Variants in AGBL5 observed in about 807,000 individuals in gnomAD.
AGBL5 encodes the protein AGBL carboxypeptidase 5, also known as cytosolic carboxypeptidase-like protein 5.
A neutral mutation model predicts 88.0 loss-of-function variants in AGBL5; 51 were observed. The observed-to-expected ratio is 0.58, with a 90% confidence interval of 0.46 to 0.73. The LOEUF (loss-of-function observed/expected upper bound fraction) is 0.73. AGBL5 is among the 30% of genes least tolerant of loss of function. AGBL5 has a pLI of 0.00. For synonymous variants in AGBL5, 446 were observed against 438.8 expected (o/e 1.02, Z -0.21); for missense variants, 1,031 against 1,162.2 (o/e 0.89, Z 1.64).
Position 27,058,520 on chromosome 2 carries a change from C to T in AGBL5, c.1792C>T (p.Arg598Cys), listed in dbSNP as rs148469619. 3.8e-5 allele frequency: 62 copies of T among 1,614,048 alleles called. No homozygotes were observed. The Admixed American group carries it at 9.0e-4, about 23-fold the overall frequency. Residue 598 changes from arginine to cysteine, a missense_variant, in exon 10 of 15, where the codon CGC (arginine) becomes TGC (cysteine). Transcript: ENST00000360131. ...ACGGGCCTGGATGCTGAAACATGTACGCAACAGCCGAGGCCTAAGCAGCAC... is the reference window on the plus strand; with the variant it reads ...ACGGGCCTGGATGCTGAAACATGTATGCAACAGCCGAGGCCTAAGCAGCAC... Reference protein sequence around the residue: ...NLRAWMLKHVRNSRGLSSTLN... With the variant: ...NLRAWMLKHVCNSRGLSSTLN...
chr2:27,056,161 G>A (rs186946982), intron 7 of AGBL5, 23 bp downstream of exon 7: 255 of 1,600,550 alleles, frequency 1.6e-4, no homozygotes, highest in Non-Finnish European at 2.0e-4. Flanking sequence ...AGAATGTCAT[G>A]TGAGTGTGAG....
chr2:27,053,351 T>C lies in AGBL5; in HGVS notation c.216-51T>C. 1 of 1,589,678 alleles carries C rather than the reference T, an allele frequency of 6.3e-7. No homozygotes were observed. The highest frequency in any genetic ancestry group is 8.6e-7 in the Non-Finnish European group (1 of 1,166,086). On this transcript the variant is annotated intron_variant, in intron 2 of 14. Transcript: ENST00000360131. This position sits in a 1 kb window ranked among gnomAD's most constrained non-coding sequence, Gnocchi z 4.9. ...CTGGCTCCGGCTCTCCCACAGACCA[T>C]ATCTCCAACCCTTCCACACGTAATG...
Position 27,069,475 on chromosome 2 carries a change from T to C in AGBL5, c.2356-98T>C, listed in dbSNP as rs1271306451. 13 of 1,547,684 alleles carry C rather than the reference T, an allele frequency of 8.4e-6. No individual in the cohort carries two copies. In the East Asian group the frequency reaches 2.3e-4, roughly 27 times the overall value. The stretch of plus-strand genomic sequence containing the variant: ...GTCCCAGTACCTCTACTGATCCCTA[T>C]ACTACAACACTCTTATGCATGGAAA... On this transcript the variant is annotated intron_variant, in intron 13 of 14. Transcript: ENST00000360131.
chr2:27,065,106 G>C lies in AGBL5; in HGVS notation c.2090-2388G>C, dbSNP rs527321191. Among the ~76,000 whole-genome samples the C allele has an allele frequency of 9.9e-4, 151 of 152,174 alleles. 1 individual carries two copies. Among genetic ancestry groups the C allele is most frequent in the African/African-American group, 3.5e-3 (146 of 41,506 alleles). On this transcript the variant is annotated intron_variant, in intron 11 of 14. Coordinates refer to ENST00000360131, the MANE Select transcript of AGBL5 (RefSeq NM_021831.6). ...GTCACTGCCTGCTAATTCCCAGTGTGGCTGGGAAGATGAAGTTACTGTCAC... is the reference window on the plus strand; with the variant it reads ...GTCACTGCCTGCTAATTCCCAGTGTCGCTGGGAAGATGAAGTTACTGTCAC...
intron 8 of AGBL5, 40 bp from the exon 9 acceptor site, chr2:27,057,263 C>A: frequency 6.3e-7 from 1 of 1,581,054 alleles, no homozygotes; most frequent in Non-Finnish European, 8.6e-7. Flanking sequence ...GTCCTGGTAT[C>A]TGTTCAGGCG....
At chr2:27,050,981 C>G (rs1386892373), upstream of AGBL5, 4 of 152,202 alleles carry the variant, frequency 2.6e-5, no homozygotes, top group Non-Finnish European at 5.9e-5. Flanking sequence ...TAGGGAACAC[C>G]GTAGTATGTA....
intron 11 of AGBL5, among the ~76,000 whole-genome samples, chr2:27,064,381 C>T (rs1322695022): frequency 3.3e-5 from 5 of 151,530 alleles, no homozygotes; most frequent in Admixed American, 2.0e-4. Flanking sequence ...CTCCAACCTT[C>T]GTGTCCCTGG....
At chr2:27,051,929 G>A (rs538131654) in intron 1 of AGBL5, 136 bp downstream of exon 1, 1 of 148,436 alleles carries the variant, frequency 6.7e-6, no homozygotes, top group African/African-American at 2.5e-5. Context: ...TGGCTTACGC[G>A]GTCCCGACCC....
chr2:27,069,427 C>T (rs1001159003), intron 13 of AGBL5, 146 bp from the exon 14 acceptor site: 5 of 1,512,724 alleles, frequency 3.3e-6, no homozygotes, highest in Middle Eastern at 3.8e-4. Flanking sequence ...TATCTTGCCT[C>T]ACCCTCTCAG....
In AGBL5 at chr2:27,064,382, G is replaced by A. The variant is rs185982661; in HGVS notation, c.2090-3112G>A. ...GTGATCACAGCTCACTCCAACCTTC[G>A]TGTCCCTGGCTCAAGTGATCCTCCA... On this transcript the variant is annotated intron_variant, in intron 11 of 14. Coordinates refer to ENST00000360131, the MANE Select transcript of AGBL5 (RefSeq NM_021831.6). Among the ~76,000 whole-genome samples, 35 of 150,574 alleles carry A rather than the reference G, an allele frequency of 2.3e-4. No homozygotes were observed. In the East Asian group the frequency reaches 5.7e-3, roughly 25 times the overall value.
At chr2:27,064,752 CTTTTTTTTTT>C (rs58558379) in intron 11 of AGBL5, among the ~76,000 whole-genome samples, 8 of 62,762 alleles carry the variant, frequency 1.3e-4, no homozygotes, top group Non-Finnish European at 2.2e-4. Context: ...GGTTTGGAAC[CTTTTTTTTTT>C]TTTTTTTTTT....
In AGBL5 at chr2:27,051,695, C is replaced by G. The variant is rs1018922353; in HGVS notation, c.-145C>G. On this transcript the variant is annotated 5_prime_UTR_variant, in exon 1 of 15. Coordinates refer to ENST00000360131, the MANE Select transcript of AGBL5 (RefSeq NM_021831.6). ...AGCGGGGTCCCGGCACCGCGGCGCTCGGGTGTTTTTGGGGGCCCGGGTGGA... is the reference window on the plus strand; with the variant it reads ...AGCGGGGTCCCGGCACCGCGGCGCTGGGGTGTTTTTGGGGGCCCGGGTGGA... 1.3e-5 allele frequency: 2 copies of G among 152,218 alleles called. No homozygotes were observed. The highest frequency in any genetic ancestry group is 2.4e-5 in the African/African-American group (1 of 41,460). The allele number at this position is 152,218 out of a possible 1,614,324, so 9.4% of individuals were successfully genotyped here.
At chr2:27,054,883 T>G (rs1482566255) in intron 5 of AGBL5, 76 bp downstream of exon 5, 1 of 1,544,662 alleles carries the variant, frequency 6.5e-7, no homozygotes, top group African/African-American at 1.4e-5. Context: ...AAAGACTATG[T>G]TATCTCTAGG....
At chr2:27,050,712 C>A (rs924277293), upstream of AGBL5, among the ~76,000 whole-genome samples, 1 of 152,148 alleles carries the variant, frequency 6.6e-6, no homozygotes, top group East Asian at 1.9e-4. Flanking sequence ...CTGGAGAAAG[C>A]GGGGGTCATG....
chr2:27,070,361 C>A lies in AGBL5; in HGVS notation c.*98C>A. 7.7e-7 allele frequency: 1 copy of A among 1,303,016 alleles called. No individual in the cohort carries two copies. The highest frequency in any genetic ancestry group is 1.1e-6 in the Non-Finnish European group (1 of 917,300). The allele number at this position is 1,303,016 out of a possible 1,614,324, so 80.7% of individuals were successfully genotyped here. A position where few individuals can be genotyped will look rare whatever the true frequency, so the allele number is the denominator to read the frequency against. Reference sequence around the variant, plus strand: ...CCAGGCCGCTGATTCCATGTGACAGCCGTTAAGTCCTTGGAATGCCAGCCA... The same window carrying A: ...CCAGGCCGCTGATTCCATGTGACAGACGTTAAGTCCTTGGAATGCCAGCCA... On this transcript the variant is annotated 3_prime_UTR_variant, in exon 15 of 15. Transcript: ENST00000360131.
In AGBL5 at chr2:27,054,069, C is replaced by G. The variant is rs541762268; in HGVS notation, c.551+10C>G. On this transcript the variant is annotated intron_variant, in intron 4 of 14. Coordinates refer to ENST00000360131, the MANE Select transcript of AGBL5 (RefSeq NM_021831.6). ...ACCCTACCCATAGCAGGTGCCAGCC[C>G]CATTCTTACTCCTGCCACACAGTCC... 71 of 1,605,362 alleles carry G rather than the reference C, an allele frequency of 4.4e-5. No individual in the cohort carries two copies. In the South Asian group the frequency reaches 7.0e-4, roughly 16 times the overall value.
At position 27,056,006 on chromosome 2, in the gene AGBL5, G is replaced by C; in HGVS notation, c.1233G>C (p.Gly411=). 1 of 1,614,232 alleles carries C rather than the reference G, an allele frequency of 6.2e-7. No individual in the cohort carries two copies. Among genetic ancestry groups the C allele is most frequent in the Non-Finnish European group, 8.5e-7 (1 of 1,180,046 alleles). The stretch of plus-strand genomic sequence containing the variant: ...GGATTATGCCACAACAGTCTGCGGG[G>C]CTTGAAGAGTCAGCCCCTGATACCA... ...SVWIMPQQSA[G]LEESAPDTIP... Residue 411 remains glycine (G), a synonymous_variant, in exon 7 of 15, where the codon GGG becomes GGC. Transcript: ENST00000360131.
At position 27,055,775 on chromosome 2, in the gene AGBL5, C is replaced by G; in HGVS notation, c.1002C>G (p.Leu334=). The G allele has an allele frequency of 1.2e-6, 2 of 1,614,184 alleles. No individual in the cohort carries two copies. Among genetic ancestry groups the G allele is most frequent in the South Asian group, 1.1e-5 (1 of 91,090 alleles). Residue 334 remains leucine (L), a synonymous_variant, in exon 7 of 15, where the codon CTC becomes CTG. Transcript: ENST00000360131. The part of the protein sequence containing the change: ...PAIYGAKAVL[L]YHHVHSRLNS... ...TCTATGGGGCCAAAGCTGTGCTTCT[C>G]TACCACCATGTGCACTCTCGTCTGA...
At chr2:27,062,476 A>G (rs912288666) in intron 11 of AGBL5, 1 of 152,116 alleles carries the variant, frequency 6.6e-6, no homozygotes, top group African/African-American at 2.4e-5. Flanking sequence ...CCCGCTTCCA[A>G]TGCACAACAC....
Sources: gnomAD v4.1 joint callset for allele counts (sites outside exome capture counted in the v4.1 genomes callset) on GRCh38, gnomAD v4.1.1 for gene constraint, Gnocchi (gnomAD v3.1) non-coding constraint, MANE v1.5 for transcripts, NCBI Gene and HGNC (gene_info 2026-07-23, HGNC 2026-07-21) for gene names.